The following MTUS2 variants were observed in gnomAD, a reference collection of about 807,000 sequenced individuals.
MTUS2 encodes microtubule associated scaffold protein 2, also known as microtubule-associated tumor suppressor candidate 2.
A neutral mutation model predicts 114.1 loss-of-function variants in MTUS2; 40 were observed. The ratio of observed to expected loss-of-function variants is 0.35; its 90% CI spans 0.27 to 0.46. The LOEUF (loss-of-function observed/expected upper bound fraction) is 0.46. MTUS2 is among the 20% of genes least tolerant of loss of function. The pLI is 1.00. For synonymous variants in MTUS2, 688 were observed against 672.0 expected, an observed-to-expected ratio of 1.02 and a Z score of -0.37; for missense variants, 1,679 against 1,705.4, an observed-to-expected ratio of 0.98 and a Z score of 0.27.
intron 5 of MTUS2, among the ~76,000 whole-genome samples, chr13:29,262,890 G>T (rs926223938): frequency 6.6e-6 from 1 of 152,190 alleles, no homozygotes; most frequent in Non-Finnish European, 1.5e-5. Flanking sequence ...AATGACAGCT[G>T]ATGAAAGAGA....
At chr13:29,357,745 C>A (rs1388992482) in intron 7 of MTUS2, among the ~76,000 whole-genome samples, 1 of 152,198 alleles carries the variant, frequency 6.6e-6, no homozygotes. Context: ...TTCTATGAAG[C>A]AGTGATTTCA....
At chr13:28,829,716 GC>G (rs953450636) in intron 1 of MTUS2, among the ~76,000 whole-genome samples, 1 of 152,190 alleles carries the variant, frequency 6.6e-6, no homozygotes, top group African/African-American at 2.4e-5. Context: ...AAAACAATCA[GC>G]AGTAATTGTT....
chr13:29,026,495 G>C lies in MTUS2; in HGVS notation c.1797G>C (p.Lys599Asn), dbSNP rs1318223968. Residue 599 changes from lysine to asparagine, a missense_variant, in exon 3 of 16, where the codon AAG becomes AAC. By Grantham distance (94) the Lys-to-Asn change is moderately conservative. Transcript: ENST00000612955. ...DKNTCPSGIPKPVFTHSKDTP... is the reference protein window; with the variant it reads ...DKNTCPSGIPNPVFTHSKDTP... Reference sequence around the variant, plus strand: ...ACACTTGCCCCAGTGGGATCCCCAAGCCTGTCTTCACACATTCCAAGGACA... The same window carrying C: ...ACACTTGCCCCAGTGGGATCCCCAACCCTGTCTTCACACATTCCAAGGACA... The C allele has an allele frequency of 3.1e-6, 5 of 1,613,868 alleles. No homozygotes were observed. The highest frequency in any genetic ancestry group is 4.2e-6 in the Non-Finnish European group (5 of 1,179,900).
At chr13:29,386,105 T>C (rs1019495127) in intron 8 of MTUS2, among the ~76,000 whole-genome samples, 4 of 152,212 alleles carry the variant, frequency 2.6e-5, no homozygotes, top group African/African-American at 9.7e-5. Context: ...GAGAATGCAT[T>C]ACTCAATCCA....
intron 4 of MTUS2, among the ~76,000 whole-genome samples, chr13:29,074,459 A>G (rs151038196): frequency 3.7e-4 from 57 of 152,228 alleles, no homozygotes; most frequent in Non-Finnish European, 4.1e-4. Flanking sequence ...ACTGTGCGTC[A>G]TTTTTTAAAA....
Position 29,471,748 on chromosome 13 carries a change from C to A in MTUS2, c.3185-8402C>A, listed in dbSNP as rs531152679. Among the ~76,000 whole-genome samples, 139 of 150,204 alleles carry A rather than the reference C, an allele frequency of 9.3e-4. 1 individual carries two copies. The highest frequency in any genetic ancestry group is 3.4e-3 in the Middle Eastern group (1 of 292). ...CCTCTGCTCTGCAGGCCCAGCCCCC[C>A]CCGACACATTGATCTTAGGTCACTT... On this transcript the variant is annotated intron_variant, in intron 9 of 15. Transcript: ENST00000612955.
At chr13:29,306,832 A>G (rs1330847976) in intron 6 of MTUS2, 3 of 463,768 alleles carry the variant, frequency 6.5e-6, no homozygotes, top group African/African-American at 6.0e-5. Context: ...GTGTCTGGTC[A>G]CCAGGGCTGC....
At chr13:29,103,468 G>A (rs1262854066) in intron 5 of MTUS2, among the ~76,000 whole-genome samples, 2 of 152,182 alleles carry the variant, frequency 1.3e-5, no homozygotes, top group East Asian at 3.9e-4. Context: ...TAAAGCTATG[G>A]TTTAAAAACT....
At chr13:28,887,208 A>C (rs1878642625) in intron 2 of MTUS2, among the ~76,000 whole-genome samples, 2 of 152,194 alleles carry the variant, frequency 1.3e-5, no homozygotes, top group African/African-American at 4.8e-5. Context: ...TGCCTTGGGA[A>C]GTTTGATCAT....
At chr13:28,856,834 C>G (rs763370627) in intron 2 of MTUS2, among the ~76,000 whole-genome samples, 16 of 152,176 alleles carry the variant, frequency 1.1e-4, no homozygotes, top group Non-Finnish European at 5.9e-5. Context: ...TTGCTTTTTG[C>G]TGTGATTTTG....
At chr13:29,436,157 C>T (rs1204917344) in intron 8 of MTUS2, among the ~76,000 whole-genome samples, 1 of 152,160 alleles carries the variant, frequency 6.6e-6, no homozygotes. Context: ...TGAAAAGCTT[C>T]ATGGTAATAA....
chr13:28,961,786 C>T (rs1328772045), intron 2 of MTUS2, among the ~76,000 whole-genome samples: 1 of 152,048 alleles, frequency 6.6e-6, no homozygotes, highest in Non-Finnish European at 1.5e-5. Context: ...AGTTTTTCCA[C>T]TTTGTTAAAT....
intron 10 of MTUS2, among the ~76,000 whole-genome samples, chr13:29,485,859 C>T (rs1166943101): frequency 6.6e-5 from 10 of 151,274 alleles, no homozygotes; most frequent in African/African-American, 2.2e-4. Context: ...ATTAGAATCA[C>T]GCCAAGGGCC....
chr13:29,491,346 T>A (rs1294462376), intron 11 of MTUS2, among the ~76,000 whole-genome samples: 1 of 149,626 alleles, frequency 6.7e-6, no homozygotes. Context: ...TGTGGGTGTG[T>A]TATGCGTGTG....
At chr13:29,135,521 G>A (rs1207900815) in intron 5 of MTUS2, among the ~76,000 whole-genome samples, 4 of 152,040 alleles carry the variant, frequency 2.6e-5, no homozygotes, top group African/African-American at 9.7e-5. Context: ...TTAATCCATT[G>A]AATTTAAAGT....
At chr13:28,832,608 CTAAA>C (rs1379899429) in intron 1 of MTUS2, among the ~76,000 whole-genome samples, 4 of 147,838 alleles carry the variant, frequency 2.7e-5, no homozygotes, top group Non-Finnish European at 6.0e-5. Context: ...GAAGGGCAAA[CTAAA>C]TAAGTATGCT....
chr13:29,475,289 G>A lies in MTUS2; in HGVS notation c.3185-4861G>A, dbSNP rs545951252. Among the ~76,000 whole-genome samples the A allele has an allele frequency of 1.2e-3, 179 of 152,296 alleles. 1 individual carries two copies. Among genetic ancestry groups the A allele is most frequent in the African/African-American group, 3.9e-3 (161 of 41,552 alleles). On this transcript the variant is annotated intron_variant, in intron 9 of 15. Coordinates refer to ENST00000612955, the MANE Select transcript of MTUS2 (RefSeq NM_001033602.4). ...AAACAAACCTAATGTGCTGCCAATC[G>A]TATAAAAGTCTAGCACATATAATTA... is the stretch of plus-strand genomic sequence containing the variant.
intron 5 of MTUS2, among the ~76,000 whole-genome samples, chr13:29,126,622 T>C (rs565875173): frequency 6.8e-6 from 1 of 147,266 alleles, no homozygotes; most frequent in Non-Finnish European, 1.5e-5. Flanking sequence ...CTTATGAGAT[T>C]TTTTTGTGAT....
At chr13:29,081,373 T>C (rs1889433022) in intron 4 of MTUS2, among the ~76,000 whole-genome samples, 1 of 152,110 alleles carries the variant, frequency 6.6e-6, no homozygotes, top group Non-Finnish European at 1.5e-5. Flanking sequence ...AACTGACGAC[T>C]AAAACATACT....
Sources: gnomAD v4.1 joint callset for allele counts (sites outside exome capture counted in the v4.1 genomes callset) on GRCh38, gnomAD v4.1.1 for gene constraint, MANE v1.5 for transcripts, NCBI Gene and HGNC (gene_info 2026-07-23, HGNC 2026-07-21) for gene names.